Variants in DPYSL2 observed in about 807,000 individuals in gnomAD.
The protein encoded by DPYSL2 is dihydropyrimidinase like 2.
DPYSL2 carries 13 observed loss-of-function variants against 69.9 expected under a neutral mutation model. The ratio of observed to expected loss-of-function variants is 0.19; its 90% CI spans 0.12 to 0.30. The LOEUF (loss-of-function observed/expected upper bound fraction) is 0.30. Among genes scored for constraint, DPYSL2 ranks in the 10% least tolerant of loss-of-function variants. The pLI, the probability that DPYSL2 is intolerant of heterozygous loss-of-function variation, is 1.00. For synonymous variants in DPYSL2, 326 were observed against 359.1 expected (o/e 0.91, Z 1.04); for missense variants, 587 against 918.9 (o/e 0.64, Z 4.67).
At chr8:26,556,317 C>A (rs371778080) in intron 1 of DPYSL2, among the ~76,000 whole-genome samples, 5 of 3,900 alleles carry the variant, frequency 1.3e-3, no homozygotes, top group Admixed American at 8.1e-3. Context: ...TATATATATA[C>A]TATATATATA....
chr8:26,551,054 A>C (rs1174428005), intron 1 of DPYSL2, among the ~76,000 whole-genome samples: 1 of 152,186 alleles, frequency 6.6e-6, no homozygotes, highest in Non-Finnish European at 1.5e-5. Context: ...ACTGACTCAC[A>C]CACTAATCTC....
intron 13 of DPYSL2, among the ~76,000 whole-genome samples, 162 bp from the exon 14 acceptor site, chr8:26,655,453 G>A (rs896111335): frequency 1.3e-5 from 2 of 152,090 alleles, no homozygotes; most frequent in Admixed American, 1.3e-4. Context: ...CTATGATGGT[G>A]CCATAGCACT....
rs780843208 is a variant in DPYSL2 at position 26,655,661 on chromosome 8, C to T, written c.1989C>T (p.Ile663=). 13 of 1,609,932 alleles carry T rather than the reference C, an allele frequency of 8.1e-6. No homozygotes were observed. In the Admixed American group the frequency reaches 8.3e-5, roughly 10 times the overall value. ...DNIPRRTTQR[I]VAPPGGRANI... ...TTCCCCGCCGCACCACCCAGCGTAT[C>T]GTGGCGCCCCCCGGTGGCCGTGCCA... is the stretch of plus-strand genomic sequence containing the variant. Residue 663 remains isoleucine (I), a synonymous_variant, in exon 14 of 14, where the codon ATC becomes ATT. Coordinates refer to ENST00000521913, the MANE Select transcript of DPYSL2 (RefSeq NM_001197293.3).
intron 1 of DPYSL2, among the ~76,000 whole-genome samples, chr8:26,555,742 C>G (rs1800934615): frequency 6.6e-6 from 1 of 150,548 alleles, no homozygotes; most frequent in Non-Finnish European, 1.5e-5. Context: ...AAAAAATTAG[C>G]TTGGTTGGGG....
In DPYSL2 at chr8:26,605,072, G is replaced by C. The variant is rs925872384; in HGVS notation, c.629-19071G>C. On this transcript the variant is annotated intron_variant, in intron 3 of 13. Transcript: ENST00000521913. This position sits in a 1 kb window ranked among gnomAD's most constrained non-coding sequence, Gnocchi z 4.1. ...GTTATGTTCTGCATTGTAAATGTGC[G>C]GAAATCAGTCACCCAGTCACCTGAA... 6.6e-6 allele frequency among the ~76,000 whole-genome samples: 1 copy of C among 152,000 alleles called. No individual in the cohort carries two copies.
rs965179332 is a variant in DPYSL2, at chr8:26,605,250, G to C, written c.629-18893G>C. Among the ~76,000 whole-genome samples, 1 of 152,132 alleles carries C rather than the reference G, an allele frequency of 6.6e-6. No homozygotes were observed. The highest frequency in any genetic ancestry group is 1.5e-5 in the Non-Finnish European group (1 of 68,042). On this transcript the variant is annotated intron_variant, in intron 3 of 13. Transcript: ENST00000521913. The surrounding 1 kb of genome is among the most constrained non-coding windows in gnomAD (Gnocchi z 4.1). ...AACATGGTTCCGGATATGTTAGCCA[G>C]TGTAATAAGATACGAAAAATAAGAA...
Position 26,617,188 on chromosome 8 carries a change from T to C in DPYSL2, c.629-6955T>C, listed in dbSNP as rs1585549465. 6.6e-6 allele frequency among the ~76,000 whole-genome samples: 1 copy of C among 152,372 alleles called. No homozygotes were observed. Among genetic ancestry groups the C allele is most frequent in the Non-Finnish European group, 1.5e-5 (1 of 68,034 alleles). On this transcript the variant is annotated intron_variant, in intron 3 of 13. Coordinates refer to ENST00000521913, the MANE Select transcript of DPYSL2 (RefSeq NM_001197293.3). This position sits in a 1 kb window ranked among gnomAD's most constrained non-coding sequence, Gnocchi z 4.7. The stretch of plus-strand genomic sequence containing the variant: ...AATATTGTACTATAATTAGGCAAGA[T>C]GTTTCCTTTGGGGGAAACGGGGTGA...
At position 26,605,552 on chromosome 8, in the gene DPYSL2, A is replaced by G. The variant is rs1452578545; in HGVS notation, c.629-18591A>G. On this transcript the variant is annotated intron_variant, in intron 3 of 13. Coordinates refer to ENST00000521913, the MANE Select transcript of DPYSL2 (RefSeq NM_001197293.3). The surrounding 1 kb of genome is among the most constrained non-coding windows in gnomAD (Gnocchi z 4.1). The stretch of plus-strand genomic sequence containing the variant: ...GTGCCTGCCTCAGCCTCCCTAAGTG[A>G]TTATTACTATTTTTAGATGGTTTAC... 1.3e-5 allele frequency among the ~76,000 whole-genome samples: 2 copies of G among 152,116 alleles called. No homozygotes were observed. The highest frequency in any genetic ancestry group is 4.8e-5 in the African/African-American group (2 of 41,418).
intron 1 of DPYSL2, among the ~76,000 whole-genome samples, chr8:26,552,719 T>A (rs1357753076): frequency 6.6e-6 from 1 of 152,176 alleles, no homozygotes; most frequent in Non-Finnish European, 1.5e-5. Flanking sequence ...CCCGCTCTTG[T>A]GATAAGTAGC....
At chr8:26,537,071 A>T (rs1485956461) in intron 1 of DPYSL2, among the ~76,000 whole-genome samples, 1 of 152,060 alleles carries the variant, frequency 6.6e-6, no homozygotes, top group Non-Finnish European at 1.5e-5. Flanking sequence ...AGCCTTAAAA[A>T]TTTGATTTTC....
chr8:26,563,371 C>A (rs62491877), intron 1 of DPYSL2, among the ~76,000 whole-genome samples: 2,009 of 152,328 alleles, frequency 0.013, 22 homozygotes, highest in Middle Eastern at 0.075. Context: ...ACTAAGTCTT[C>A]CCTTTTAATT....
chr8:26,578,607 A>T, intron 1 of DPYSL2: 3 of 1,250,952 alleles, frequency 2.4e-6, no homozygotes, highest in Non-Finnish European at 2.0e-6. Context: ...GGGTGCAAGC[A>T]AATGGATGCC....
chr8:26,532,944 G>A (rs1191005802), intron 1 of DPYSL2, among the ~76,000 whole-genome samples: 1 of 152,190 alleles, frequency 6.6e-6, no homozygotes, highest in Non-Finnish European at 1.5e-5. Context: ...CTGCCAAACT[G>A]TTTCCCAAAG....
At position 26,525,245 on chromosome 8, in the gene DPYSL2, G is replaced by C. The variant is rs542827938; in HGVS notation, c.354+10566G>C. 2.0e-5 allele frequency among the ~76,000 whole-genome samples: 3 copies of C among 152,150 alleles called. No homozygotes were observed. In the East Asian group the frequency reaches 5.8e-4, roughly 29 times the overall value. ...AATTGTTGGGTTGTTTTTGAGACAG[G>C]GTTTTACTCTGTCACCCAGGCTGGA... On this transcript the variant is annotated intron_variant, in intron 1 of 13. Coordinates refer to ENST00000521913, the MANE Select transcript of DPYSL2 (RefSeq NM_001197293.3).
At chr8:26,520,472 C>T (rs538444542) in intron 1 of DPYSL2, among the ~76,000 whole-genome samples, 91 of 100,872 alleles carry the variant, frequency 9.0e-4, no homozygotes, top group African/African-American at 2.8e-3. Flanking sequence ...TTCTGAATGC[C>T]TGTTTTTTTT....
At position 26,558,965 on chromosome 8, in the gene DPYSL2, C is replaced by T. The variant is rs147561162; in HGVS notation, c.355-23004C>T. ...TTATTTATTTATTTATTTTTTGAGA[C>T]GGAGTCTCGCTCTGTCTCCCAGACT... On this transcript the variant is annotated intron_variant, in intron 1 of 13. Transcript: ENST00000521913. Among the ~76,000 whole-genome samples the T allele has an allele frequency of 5.5e-3, 841 of 152,198 alleles. 9 individuals are homozygous for T. The highest frequency in any genetic ancestry group is 0.019 in the African/African-American group (778 of 41,544).
rs574264603 is a variant in DPYSL2, at chr8:26,605,242, G to A, written c.629-18901G>A. Among the ~76,000 whole-genome samples the A allele has an allele frequency of 6.6e-5, 10 of 152,242 alleles. No homozygotes were observed. Among genetic ancestry groups the A allele is most frequent in the African/African-American group, 2.4e-4 (10 of 41,544 alleles). ...TACTGTTTAACATGGTTCCGGATAT[G>A]TTAGCCAGTGTAATAAGATACGAAA... On this transcript the variant is annotated intron_variant, in intron 3 of 13. Coordinates refer to ENST00000521913, the MANE Select transcript of DPYSL2 (RefSeq NM_001197293.3). The surrounding 1 kb of genome is among the most constrained non-coding windows in gnomAD (Gnocchi z 4.1).
chr8:26,635,243 A>G (rs1054981946), intron 8 of DPYSL2, among the ~76,000 whole-genome samples: 7 of 152,186 alleles, frequency 4.6e-5, no homozygotes, highest in Non-Finnish European at 1.0e-4. Context: ...TCCGCCCCAG[A>G]ATCCTTGGTC....
At chr8:26,595,590 G>A (rs925978082) in intron 3 of DPYSL2, among the ~76,000 whole-genome samples, 3 of 152,126 alleles carry the variant, frequency 2.0e-5, no homozygotes, top group African/African-American at 4.8e-5. Flanking sequence ...CCAGACCTCT[G>A]CCCTCTTCCC....
Sources: allele counts gnomAD v4.1 joint callset (sites outside exome capture counted in the v4.1 genomes callset), GRCh38; gene constraint gnomAD v4.1.1; non-coding constraint Gnocchi (gnomAD v3.1); transcripts MANE v1.5; gene names NCBI Gene and HGNC (gene_info 2026-07-23, HGNC 2026-07-21).